Variants in CCDC7 observed in about 807,000 individuals in gnomAD.
CCDC7 encodes the protein coiled-coil domain-containing protein 7.
In CCDC7, 183 loss-of-function variants were observed where a neutral mutation model predicts 196.9. The observed-to-expected ratio is 0.93, with a 90% CI of 0.82 to 1.05. The LOEUF (loss-of-function observed/expected upper bound fraction) is 1.05. CCDC7 is among the 50% of genes least tolerant of loss of function. The pLI is 0.00. For missense variants in CCDC7, 1,540 were observed against 1,482.2 expected, an observed-to-expected ratio of 1.04 and a Z score of -0.64; for synonymous variants, 525 against 484.6, an observed-to-expected ratio of 1.08 and a Z score of -1.10.
chr10:32,860,200 A>G (rs1010578744), intron 41 of CCDC7, among the ~76,000 whole-genome samples: 3 of 152,218 alleles, frequency 2.0e-5, no homozygotes, highest in Admixed American at 6.5e-5. Context: ...CAGCGCATCA[A>G]AAAGCTTATC....
chr10:32,632,186 G>A (rs1237985095), intron 18 of CCDC7, among the ~76,000 whole-genome samples: 1 of 148,798 alleles, frequency 6.7e-6, no homozygotes, highest in African/African-American at 2.5e-5. Flanking sequence ...CCATTGTAGT[G>A]TTAAACAGAA....
chr10:32,489,428 T>C lies in CCDC7; in HGVS notation c.797-2494T>C, dbSNP rs2041812172. 3.3e-5 allele frequency among the ~76,000 whole-genome samples: 5 copies of C among 152,306 alleles called. No homozygotes were observed. The South Asian group carries it at 1.0e-3, about 32-fold the overall frequency. On this transcript the variant is annotated intron_variant, in intron 8 of 41. Transcript: ENST00000639629. The stretch of plus-strand genomic sequence containing the variant: ...TGGTAGCTCTGATGTCTGATGCATG[T>C]GCAGTCAGAGTCTCAAAGAGTTGCA...
At chr10:32,550,833 C>A (rs1395440607) in intron 13 of CCDC7, among the ~76,000 whole-genome samples, 1 of 152,138 alleles carries the variant, frequency 6.6e-6, no homozygotes, top group African/African-American at 2.4e-5. Context: ...CATCTATGTT[C>A]ATCAGGGATA....
chr10:32,623,494 A>T (rs991025213), intron 18 of CCDC7, among the ~76,000 whole-genome samples: 3 of 152,074 alleles, frequency 2.0e-5, no homozygotes, highest in African/African-American at 7.2e-5. Context: ...TGATACAATT[A>T]TCTATCATTG....
chr10:32,705,581 G>T (rs113302752), intron 24 of CCDC7, among the ~76,000 whole-genome samples: 1 of 152,096 alleles, frequency 6.6e-6, no homozygotes, highest in Non-Finnish European at 1.5e-5. Context: ...CCCATCTCAC[G>T]TGCAGAGGCA....
chr10:32,562,015 A>G (rs1297236544), intron 13 of CCDC7, among the ~76,000 whole-genome samples: 5 of 152,228 alleles, frequency 3.3e-5, no homozygotes, highest in Admixed American at 2.0e-4. Flanking sequence ...AGAGAATACT[A>G]CAAACACCTC....
intron 10 of CCDC7, among the ~76,000 whole-genome samples, chr10:32,518,191 A>G (rs1205439225): frequency 6.6e-6 from 1 of 152,144 alleles, no homozygotes; most frequent in East Asian, 1.9e-4. Context: ...CTGAAATACT[A>G]AACTATAATA....
At chr10:32,681,738 TACACAC>T (rs57829018) in intron 21 of CCDC7, among the ~76,000 whole-genome samples, 12,988 of 137,550 alleles carry the variant, frequency 0.094, 753 homozygotes, top group East Asian at 0.29. Flanking sequence ...TTTATATGTA[TACACAC>T]ACACACACAC....
chr10:32,631,560 C>T (rs2064864668), intron 18 of CCDC7, among the ~76,000 whole-genome samples: 1 of 151,620 alleles, frequency 6.6e-6, no homozygotes, highest in Non-Finnish European at 1.5e-5. Flanking sequence ...AATTTTGTAC[C>T]AAGTTTTTAA....
rs184750433 is a variant in CCDC7 at position 32,692,335 on chromosome 10, C to T, written c.2345-2544C>T. Among the ~76,000 whole-genome samples the T allele has an allele frequency of 3.6e-4, 55 of 152,352 alleles. No homozygotes were observed. In the East Asian group the frequency reaches 8.9e-3, roughly 25 times the overall value. Reference sequence around the variant, plus strand: ...TCTGCTGGATTTTTCAATTGACTCACTGGATATCTTGGTATGTGAATCAGA... The same window carrying T: ...TCTGCTGGATTTTTCAATTGACTCATTGGATATCTTGGTATGTGAATCAGA... On this transcript the variant is annotated intron_variant, in intron 23 of 41. Transcript: ENST00000639629.
chr10:32,749,418 C>CT (rs1463326199), intron 28 of CCDC7, among the ~76,000 whole-genome samples: 1 of 151,992 alleles, frequency 6.6e-6, no homozygotes, highest in African/African-American at 2.4e-5. Flanking sequence ...ATAATTTAAA[C>CT]TTTTTTCTAA....
chr10:32,508,932 A>AT (rs4016795), intron 9 of CCDC7, among the ~76,000 whole-genome samples: 73,908 of 116,924 alleles, frequency 0.63, 26,101 homozygotes, highest in Non-Finnish European at 0.76. Flanking sequence ...TGTGCCTGGC[A>AT]TTTTTTTTTT....
At chr10:32,516,364 T>A (rs1029091726) in intron 9 of CCDC7, among the ~76,000 whole-genome samples, 3 of 152,030 alleles carry the variant, frequency 2.0e-5, no homozygotes, top group African/African-American at 7.2e-5. Context: ...CTCAGCTCAC[T>A]GCAACCTCCA....
chr10:32,838,080 T>C (rs2136037409), intron 33 of CCDC7, among the ~76,000 whole-genome samples: 1 of 151,862 alleles, frequency 6.6e-6, no homozygotes, highest in South Asian at 2.1e-4. Flanking sequence ...ATAATACAAA[T>C]ATGCATATAA....
At chr10:32,472,575 A>C in intron 7 of CCDC7, 33 bp downstream of exon 8, 3 of 1,460,552 alleles carry the variant, frequency 2.1e-6, no homozygotes, top group Non-Finnish European at 2.7e-6. Context: ...TATCCTTAAA[A>C]ATTTTATTAA....
At chr10:32,746,686 C>T (rs2074799419) in intron 28 of CCDC7, among the ~76,000 whole-genome samples, 1 of 152,212 alleles carries the variant, frequency 6.6e-6, no homozygotes, top group South Asian at 2.1e-4. Context: ...CTGGTGGCCA[C>T]TGCCATGGTG....
intron 13 of CCDC7, among the ~76,000 whole-genome samples, chr10:32,559,024 A>C (rs1022431395): frequency 3.3e-5 from 5 of 152,238 alleles, no homozygotes; most frequent in African/African-American, 4.8e-5. Flanking sequence ...TATCCCGCAC[A>C]TGGCTTGGAG....
intron 41 of CCDC7, among the ~76,000 whole-genome samples, chr10:32,865,406 C>G (rs1391223486): frequency 4.6e-5 from 1 of 21,756 alleles, no homozygotes; most frequent in Non-Finnish European, 1.7e-4. Flanking sequence ...CTATTATACA[C>G]ACACACACAC....
At chr10:32,769,760 C>T (rs1249484883) in intron 28 of CCDC7, among the ~76,000 whole-genome samples, 1 of 151,770 alleles carries the variant, frequency 6.6e-6, no homozygotes. Flanking sequence ...TGTTAGTTTG[C>T]TGAGAATGGT....
Sources: allele counts gnomAD v4.1 joint callset (sites outside exome capture counted in the v4.1 genomes callset), GRCh38; gene constraint gnomAD v4.1.1; transcripts MANE v1.5; gene names NCBI Gene and HGNC (gene_info 2026-07-23, HGNC 2026-07-21).